Variants in ITSN1 observed in about 807,000 individuals in gnomAD.
ITSN1 encodes intersectin-1.
Under a neutral mutation model 239.8 loss-of-function variants are expected in ITSN1, and 58 were observed. The ratio of observed to expected loss-of-function variants is 0.24; its 90% CI spans 0.20 to 0.30. The LOEUF is 0.30. Among genes scored for constraint, ITSN1 ranks in the 10% least tolerant of loss-of-function variants. The pLI, the probability that ITSN1 is intolerant of heterozygous loss-of-function variation, is 1.00. For synonymous variants in ITSN1, 780 were observed against 770.8 expected, an observed-to-expected ratio of 1.01 and a Z score of -0.20; for missense variants, 1,558 against 2,103.3, an observed-to-expected ratio of 0.74 and a Z score of 5.07.
chr21:33,814,770 C>T (rs368299381), intron 22 of ITSN1, among the ~76,000 whole-genome samples: 10 of 152,156 alleles, frequency 6.6e-5, no homozygotes, highest in Non-Finnish European at 1.3e-4. Flanking sequence ...AGTGGAGGGC[C>T]GGCAGGGCGG....
intron 29 of ITSN1, chr21:33,838,345 G>A (rs541506852): frequency 1.0e-6 from 1 of 985,228 alleles, no homozygotes; most frequent in Non-Finnish European, 1.2e-6. Context: ...TGCAGAGAGC[G>A]AGGACCTCTC....
intron 1 of ITSN1, among the ~76,000 whole-genome samples, chr21:33,697,234 A>ATTTTTTTTTT (rs11419453): frequency 3.6e-4 from 44 of 121,644 alleles, no homozygotes; most frequent in Non-Finnish European, 4.4e-4. Flanking sequence ...CACCTGGCTA[A>ATTTTTTTTTT]TTTTTTTTTT....
Position 33,875,212 on chromosome 21 carries a change from C to G in ITSN1, c.4174-142C>G, listed in dbSNP as rs960044393. 3 of 807,130 alleles carry G rather than the reference C, an allele frequency of 3.7e-6. No homozygotes were observed. In the African/African-American group the frequency reaches 5.1e-5, roughly 14 times the overall value. The allele number at this position is 807,130 out of a possible 1,614,324, so 50.0% of individuals were successfully genotyped here. A position where few individuals can be genotyped will look rare whatever the true frequency, so the allele number is the denominator to read the frequency against. On this transcript the variant is annotated intron_variant, in intron 33 of 39. Coordinates refer to ENST00000381318, the MANE Select transcript of ITSN1 (RefSeq NM_003024.3). Reference sequence around the variant, plus strand: ...CTGCTACGTGATTGCCATGTGGGTGCTCAGAGCTGCGATTGCTCAAGTGGG... The same window carrying G: ...CTGCTACGTGATTGCCATGTGGGTGGTCAGAGCTGCGATTGCTCAAGTGGG...
At chr21:33,713,406 A>AT (rs1249102718) in intron 1 of ITSN1, among the ~76,000 whole-genome samples, 3 of 151,040 alleles carry the variant, frequency 2.0e-5, no homozygotes, top group Non-Finnish European at 3.0e-5. Context: ...CGCCTGGCTA[A>AT]TTTTTTTTGG....
chr21:33,856,634 G>A lies in ITSN1; in HGVS notation c.3662-102G>A, dbSNP rs1281307136. 2.6e-6 allele frequency: 4 copies of A among 1,556,362 alleles called. No individual in the cohort carries two copies. In the African/African-American group the frequency reaches 4.1e-5, roughly 16 times the overall value. On this transcript the variant is annotated intron_variant, in intron 29 of 39. Transcript: ENST00000381318. The stretch of plus-strand genomic sequence containing the variant: ...TTCAGCCCATGACCCCACTGGACTG[G>A]AGCAAGCCCTCAGGACCCAGCAGCC...
chr21:33,842,897 C>T (rs190868500), intron 29 of ITSN1, among the ~76,000 whole-genome samples: 43 of 152,226 alleles, frequency 2.8e-4, no homozygotes, highest in East Asian at 1.4e-3. Flanking sequence ...AAACCCCTGA[C>T]GCCCCTGCTT....
At position 33,836,577 on chromosome 21, in the gene ITSN1, G is replaced by T; in HGVS notation, c.3606G>T (p.Gly1202=). 1 of 1,614,156 alleles carries T rather than the reference G, an allele frequency of 6.2e-7. No homozygotes were observed. The highest frequency in any genetic ancestry group is 1.3e-5 in the African/African-American group (1 of 75,046). Residue 1202 remains glycine, a synonymous_variant, in exon 29 of 40, where the codon GGG becomes GGT. Coordinates refer to ENST00000381318, the MANE Select transcript of ITSN1 (RefSeq NM_003024.3). Reference sequence around the variant, plus strand: ...AAGGAGAAGTCAATGGACAAGTGGGGCTCTTCCCATCCAATTATGTGAAGC... The same window carrying T: ...AAGGAGAAGTCAATGGACAAGTGGGTCTCTTCCCATCCAATTATGTGAAGC... ...WWKGEVNGQV[G]LFPSNYVKLT...
intron 29 of ITSN1, among the ~76,000 whole-genome samples, chr21:33,851,944 T>C (rs913738087): frequency 3.9e-4 from 59 of 151,682 alleles, no homozygotes; most frequent in Middle Eastern, 3.4e-3. Flanking sequence ...CCACCATGCA[T>C]GGATAATTTT....
chr21:33,869,673 T>TA (rs1172119636), intron 33 of ITSN1, among the ~76,000 whole-genome samples: 1 of 152,244 alleles, frequency 6.6e-6, no homozygotes, highest in Admixed American at 6.5e-5. Context: ...CCTATGTTTG[T>TA]AAAACCACAG....
At chr21:33,782,901 T>C (rs900712630) in intron 16 of ITSN1, among the ~76,000 whole-genome samples, 1 of 151,982 alleles carries the variant, frequency 6.6e-6, no homozygotes. Context: ...GGTGGGCGCC[T>C]GTAGTCCCAG....
At chr21:33,717,711 A>G (rs1482209549) in intron 1 of ITSN1, among the ~76,000 whole-genome samples, 1 of 147,882 alleles carries the variant, frequency 6.8e-6, no homozygotes, top group East Asian at 2.2e-4. Flanking sequence ...GCCCGCCACC[A>G]CGCCCAGCTA....
chr21:33,772,832 A>G (rs1235684841), intron 12 of ITSN1, among the ~76,000 whole-genome samples: 1 of 152,142 alleles, frequency 6.6e-6, no homozygotes, highest in African/African-American at 2.4e-5. Context: ...TTGATGATAC[A>G]ATTTTGTAAC....
rs73900382 is a variant in ITSN1 at position 33,852,978 on chromosome 21, A to G, written c.3662-3758A>G. On this transcript the variant is annotated intron_variant, in intron 29 of 39. Coordinates refer to ENST00000381318, the MANE Select transcript of ITSN1 (RefSeq NM_003024.3). The stretch of plus-strand genomic sequence containing the variant: ...TTTTTAAACTCACTTGTTTTTCTAA[A>G]TATTAAATTTTCAAAGGAAGAATAT... 6.7e-3 allele frequency among the ~76,000 whole-genome samples: 1,019 copies of G among 152,324 alleles called. 14 individuals are homozygous for G. The highest frequency in any genetic ancestry group is 0.022 in the African/African-American group (917 of 41,572).
At chr21:33,727,439 A>G (rs1321473626) in intron 4 of ITSN1, among the ~76,000 whole-genome samples, 2 of 151,908 alleles carry the variant, frequency 1.3e-5, no homozygotes, top group Non-Finnish European at 2.9e-5. Context: ...AGAGGAAAGA[A>G]GGGAGCCAGA....
chr21:33,848,689 T>C (rs74666904), intron 29 of ITSN1, among the ~76,000 whole-genome samples: 3,278 of 152,338 alleles, frequency 0.022, 43 homozygotes, highest in Non-Finnish European at 0.034. Flanking sequence ...TTGTGAGCTC[T>C]GAGTGGCGTT....
chr21:33,882,143 C>T lies in ITSN1; in HGVS notation c.4342-100C>T, dbSNP rs572484182. The T allele has an allele frequency of 1.9e-5, 19 of 1,001,750 alleles. No individual in the cohort carries two copies. The highest frequency in any genetic ancestry group is 3.2e-5 in the African/African-American group (2 of 61,852). 62.1% of individuals were successfully genotyped at this position (1,001,750 alleles called of 1,614,324 possible). A position where few individuals can be genotyped will look rare whatever the true frequency, so the allele number is the denominator to read the frequency against. On this transcript the variant is annotated intron_variant, in intron 34 of 39. Coordinates refer to ENST00000381318, the MANE Select transcript of ITSN1 (RefSeq NM_003024.3). The surrounding 1 kb of genome is among the most constrained non-coding windows in gnomAD (Gnocchi z 4.5). ...CTATCCTTGACTTTTGCCTGAGATC[C>T]GAGTCTGCTGGGGCCTGGCCTCTGA...
intron 4 of ITSN1, among the ~76,000 whole-genome samples, chr21:33,727,471 TC>T (rs1454824181): frequency 6.6e-6 from 1 of 151,930 alleles, no homozygotes; most frequent in Non-Finnish European, 1.5e-5. Context: ...AAGGATTAGA[TC>T]AACTTTGTGA....
At chr21:33,686,569 G>T (rs2091249569) in intron 1 of ITSN1, among the ~76,000 whole-genome samples, 1 of 152,288 alleles carries the variant, frequency 6.6e-6, no homozygotes, top group Non-Finnish European at 1.5e-5. Context: ...TTTCAGGGTA[G>T]AGTTACTGTT....
intron 29 of ITSN1, among the ~76,000 whole-genome samples, chr21:33,852,221 T>G (rs1978451818): frequency 6.6e-6 from 1 of 152,234 alleles, no homozygotes; most frequent in South Asian, 2.1e-4. Context: ...TAAATATTTA[T>G]GGACCACCTT....
Sources: allele counts gnomAD v4.1 joint callset (sites outside exome capture counted in the v4.1 genomes callset), GRCh38; gene constraint gnomAD v4.1.1; non-coding constraint Gnocchi (gnomAD v3.1); transcripts MANE v1.5; gene names NCBI Gene and HGNC (gene_info 2026-07-23, HGNC 2026-07-21).